The following SIK3 variants were observed in gnomAD, a reference collection of about 807,000 sequenced individuals.
SIK3 encodes the protein serine/threonine-protein kinase SIK3.
Under a neutral mutation model 144.2 loss-of-function variants are expected in SIK3, and 28 were observed. That is an observed-to-expected ratio of 0.19 (90% CI 0.14 to 0.27). The LOEUF is 0.27. SIK3 is among the 10% of genes least tolerant of loss of function. SIK3 has a pLI of 1.00. For missense variants in SIK3, 1,319 were observed against 1,776.0 expected (o/e 0.74, Z 4.62); for synonymous variants, 686 against 676.3 (o/e 1.01, Z -0.22).
intron 19 of SIK3, among the ~76,000 whole-genome samples, chr11:116,860,596 T>G (rs904362421): frequency 5.3e-5 from 8 of 152,240 alleles, no homozygotes; most frequent in African/African-American, 1.9e-4. Context: ...CTGGAGGTTT[T>G]GTTAAAAATA....
At chr11:116,938,139 A>T (rs1462827557) in intron 3 of SIK3, among the ~76,000 whole-genome samples, 2 of 124,586 alleles carry the variant, frequency 1.6e-5, no homozygotes, top group African/African-American at 6.1e-5. Flanking sequence ...TGGGAGGCGG[A>T]GGCTGCAGTG....
chr11:116,889,457 C>G (rs1270206810), intron 6 of SIK3, among the ~76,000 whole-genome samples: 1 of 152,070 alleles, frequency 6.6e-6, no homozygotes, highest in Non-Finnish European at 1.5e-5. Flanking sequence ...GTCCTAGCTA[C>G]TTTGGAGCCT....
In SIK3 at chr11:116,873,625, G is replaced by A. The variant is rs755731586; in HGVS notation, c.1593C>T (p.Leu531=). 4.5e-6 allele frequency: 7 copies of A among 1,557,576 alleles called. No individual in the cohort carries two copies. In the Admixed American group the frequency reaches 1.0e-4, roughly 22 times the overall value. ...TGQLEYKEQS[L]LQPPTLQLLN... ...ACAGCTGTAGCGTGGGCGGCTGTAG[G>A]AGAGACTGCTCCTGCCAGGAACAGA... Residue 531 remains leucine (L), a synonymous_variant, in exon 13 of 25, where the codon CTC becomes CTT. Coordinates refer to ENST00000445177, the MANE Select transcript of SIK3 (RefSeq NM_001366686.3).
chr11:116,926,225 A>G (rs540753316), intron 4 of SIK3, among the ~76,000 whole-genome samples: 23 of 152,292 alleles, frequency 1.5e-4, no homozygotes, highest in African/African-American at 5.5e-4. Flanking sequence ...GAGACCGGGG[A>G]TACACGATGC....
At chr11:117,058,939 C>A (rs1352846891) in intron 1 of SIK3, among the ~76,000 whole-genome samples, 1 of 152,214 alleles carries the variant, frequency 6.6e-6, no homozygotes, top group Non-Finnish European at 1.5e-5. Flanking sequence ...ACTGCGGATA[C>A]TGATGACTCA....
At chr11:117,048,153 T>C (rs1332251941) in intron 1 of SIK3, among the ~76,000 whole-genome samples, 2 of 152,224 alleles carry the variant, frequency 1.3e-5, no homozygotes, top group African/African-American at 4.8e-5. Context: ...ATACTTCATC[T>C]TGGTACTATT....
At chr11:117,000,875 T>G (rs1187638103) in intron 1 of SIK3, among the ~76,000 whole-genome samples, 1 of 152,262 alleles carries the variant, frequency 6.6e-6, no homozygotes, top group Non-Finnish European at 1.5e-5. Flanking sequence ...GACGACGGGT[T>G]GCTTAGCTGC....
intron 1 of SIK3, among the ~76,000 whole-genome samples, chr11:117,060,590 T>TC (rs1263471988): frequency 7.8e-5 from 8 of 102,664 alleles, no homozygotes; most frequent in African/African-American, 2.8e-4. Context: ...AGAGCAAAAC[T>TC]CCATCTCAAA....
chr11:117,063,773 G>A (rs1953902605), intron 1 of SIK3, among the ~76,000 whole-genome samples: 2 of 151,502 alleles, frequency 1.3e-5, no homozygotes, highest in African/African-American at 2.4e-5. Flanking sequence ...TTTCACCTTG[G>A]CCAGGCTGTT....
At chr11:117,072,335 C>T (rs1378594067) in intron 1 of SIK3, among the ~76,000 whole-genome samples, 1 of 152,088 alleles carries the variant, frequency 6.6e-6, no homozygotes, top group Non-Finnish European at 1.5e-5. Context: ...TTGCAGTGAG[C>T]CCAGATCATG....
intron 3 of SIK3, among the ~76,000 whole-genome samples, chr11:116,949,589 C>T (rs1327623008): frequency 1.3e-5 from 2 of 152,148 alleles, no homozygotes; most frequent in South Asian, 2.1e-4. Context: ...CTCGAGCCAT[C>T]CTCCTGCCTG....
intron 1 of SIK3, among the ~76,000 whole-genome samples, chr11:117,088,738 G>A (rs1187534443): frequency 1.3e-5 from 2 of 152,160 alleles, no homozygotes; most frequent in Non-Finnish European, 2.9e-5. Flanking sequence ...GTTCAGTGGT[G>A]CGATCATAGC....
intron 1 of SIK3, among the ~76,000 whole-genome samples, chr11:116,959,821 C>T (rs1210831523): frequency 2.0e-5 from 3 of 152,056 alleles, no homozygotes; most frequent in African/African-American, 4.8e-5. Flanking sequence ...TTTATTGGGA[C>T]GTAACCCATC....
At chr11:116,888,958 T>C (rs17174501) in intron 6 of SIK3, among the ~76,000 whole-genome samples, 9,530 of 152,224 alleles carry the variant, frequency 0.063, 983 homozygotes, top group African/African-American at 0.22. Context: ...AAGGGTTCAG[T>C]AAGAATCTCT....
At chr11:116,944,486 C>G (rs1948476949) in intron 3 of SIK3, among the ~76,000 whole-genome samples, 2 of 151,824 alleles carry the variant, frequency 1.3e-5, no homozygotes, top group African/African-American at 4.8e-5. Context: ...ATCAATCAAT[C>G]AGGCTTATGT....
At chr11:116,972,776 G>A (rs1455006574) in intron 1 of SIK3, among the ~76,000 whole-genome samples, 1 of 151,626 alleles carries the variant, frequency 6.6e-6, no homozygotes, top group Non-Finnish European at 1.5e-5. Context: ...ATGATGACTG[G>A]CCCCCAATGG....
chr11:116,929,818 T>A (rs1316722382), intron 3 of SIK3, among the ~76,000 whole-genome samples: 1 of 152,216 alleles, frequency 6.6e-6, no homozygotes, highest in Non-Finnish European at 1.5e-5. Flanking sequence ...CTGAATACTA[T>A]ATAGGGAATA....
chr11:117,030,221 G>C (rs187427104), intron 1 of SIK3, among the ~76,000 whole-genome samples: 1 of 152,254 alleles, frequency 6.6e-6, no homozygotes, highest in African/African-American at 2.4e-5. Context: ...AGGCCTCTAA[G>C]ATGCCCACGT....
chr11:116,932,468 GAAC>G (rs1947669090), intron 3 of SIK3, among the ~76,000 whole-genome samples: 1 of 149,490 alleles, frequency 6.7e-6, no homozygotes, highest in South Asian at 2.1e-4. Context: ...TAGATTTGTG[GAAC>G]AACAACTGCA....
Sources: allele counts gnomAD v4.1 joint callset (sites outside exome capture counted in the v4.1 genomes callset), GRCh38; gene constraint gnomAD v4.1.1; transcripts MANE v1.5; gene names NCBI Gene and HGNC (gene_info 2026-07-23, HGNC 2026-07-21).